Variants in MAP2 observed in about 807,000 individuals in gnomAD.
MAP2 encodes microtubule-associated protein 2.
A neutral mutation model predicts 137.6 loss-of-function variants in MAP2; 14 were observed. That is an observed-to-expected ratio of 0.10 (90% CI 0.07 to 0.16). The LOEUF is 0.16. Ranked by LOEUF, MAP2 falls within the 10% of genes least tolerant of loss-of-function variation. The probability of loss-of-function intolerance (pLI) is 1.00; values close to 1 mark genes in which losing one functional copy is unlikely to be tolerated. For synonymous variants in MAP2, 786 were observed against 782.3 expected, an observed-to-expected ratio of 1.00 and a Z score of -0.08; for missense variants, 2,088 against 2,191.5, an observed-to-expected ratio of 0.95 and a Z score of 0.94.
intron 2 of MAP2, among the ~76,000 whole-genome samples, chr2:209,571,307 G>A (rs1000753245): frequency 6.6e-6 from 1 of 151,908 alleles, no homozygotes; most frequent in African/African-American, 2.4e-5. Flanking sequence ...CCATGTCACT[G>A]CCACTCAGGT....
chr2:209,595,810 A>G (rs2081124925), intron 3 of MAP2, among the ~76,000 whole-genome samples: 1 of 152,234 alleles, frequency 6.6e-6, no homozygotes, highest in African/African-American at 2.4e-5. Flanking sequence ...TTGCAGGGAC[A>G]TGGATGCATC....
At chr2:209,618,328 C>T (rs2090144592) in intron 3 of MAP2, among the ~76,000 whole-genome samples, 1 of 152,094 alleles carries the variant, frequency 6.6e-6, no homozygotes, top group Non-Finnish European at 1.5e-5. Flanking sequence ...GGGTTTGTAA[C>T]AGTAGAAAGT....
chr2:209,426,305 T>C, intron 1 of MAP2, among the ~76,000 whole-genome samples: 1 of 152,242 alleles, frequency 6.6e-6, no homozygotes, highest in Non-Finnish European at 1.5e-5. Context: ...AAAATAGAGC[T>C]ACCTTTTATA....
chr2:209,609,158 A>G (rs1365443524), intron 3 of MAP2, among the ~76,000 whole-genome samples: 4 of 152,008 alleles, frequency 2.6e-5, no homozygotes, highest in African/African-American at 9.7e-5. Context: ...TGCCTAATAT[A>G]TAGTAACAAA....
chr2:209,640,702 G>A (rs536095120), intron 4 of MAP2, among the ~76,000 whole-genome samples: 3 of 152,218 alleles, frequency 2.0e-5, no homozygotes, highest in African/African-American at 7.2e-5. Flanking sequence ...TAAAGGGACT[G>A]AGCAGATCCC....
chr2:209,634,796 G>A (rs1248961658), intron 4 of MAP2, among the ~76,000 whole-genome samples: 2 of 152,208 alleles, frequency 1.3e-5, no homozygotes, highest in South Asian at 2.1e-4. Context: ...TAAGAGTGTG[G>A]ATTGTAACTT....
In MAP2 at chr2:209,428,990, T is replaced by G. The variant is rs977228812; in HGVS notation, c.-222+4714T>G. 1.5e-4 allele frequency among the ~76,000 whole-genome samples: 23 copies of G among 151,724 alleles called. 1 individual carries two copies. The highest frequency in any genetic ancestry group is 8.5e-4 in the Admixed American group (13 of 15,214). On this transcript the variant is annotated intron_variant, in intron 1 of 15. Transcript: ENST00000682079. Reference sequence around the variant, plus strand: ...TTATTTTGAGACGGAGTCTCGCTCTTTCGCCCAGGCCGGAGTACAGTGGCG... The same window carrying G: ...TTATTTTGAGACGGAGTCTCGCTCTGTCGCCCAGGCCGGAGTACAGTGGCG...
chr2:209,559,801 G>C (rs1283075024), intron 2 of MAP2, among the ~76,000 whole-genome samples: 1 of 151,896 alleles, frequency 6.6e-6, no homozygotes, highest in Non-Finnish European at 1.5e-5. Flanking sequence ...TATTTTCCCT[G>C]TGCCAGTCCT....
chr2:209,647,648 C>T (rs1394639302), intron 4 of MAP2, among the ~76,000 whole-genome samples: 1 of 152,110 alleles, frequency 6.6e-6, no homozygotes, highest in Non-Finnish European at 1.5e-5. Flanking sequence ...GTCAGATCAA[C>T]AAACACTAAA....
chr2:209,455,595 A>C (rs1701343938), intron 1 of MAP2, among the ~76,000 whole-genome samples: 1 of 152,188 alleles, frequency 6.6e-6, no homozygotes, highest in Non-Finnish European at 1.5e-5. Context: ...AAAAATTATT[A>C]GCATGAATTA....
intron 5 of MAP2, among the ~76,000 whole-genome samples, chr2:209,674,721 C>A (rs2050501556): frequency 6.6e-6 from 1 of 151,778 alleles, no homozygotes; most frequent in African/African-American, 2.4e-5. Flanking sequence ...TCACACACAT[C>A]ATAATCATTA....
At chr2:209,654,956 T>G (rs935322449) in intron 5 of MAP2, among the ~76,000 whole-genome samples, 4 of 152,184 alleles carry the variant, frequency 2.6e-5, no homozygotes, top group African/African-American at 9.7e-5. Context: ...CAGTTGACTC[T>G]CAGTGCCTGT....
intron 10 of MAP2, among the ~76,000 whole-genome samples, chr2:209,698,697 T>G (rs929756195): frequency 3.3e-5 from 5 of 152,192 alleles, no homozygotes; most frequent in African/African-American, 1.2e-4. Context: ...GAAGAATATA[T>G]CTGAAGCTAG....
At chr2:209,649,113 A>G (rs966880367) in intron 4 of MAP2, among the ~76,000 whole-genome samples, 1 of 152,046 alleles carries the variant, frequency 6.6e-6, no homozygotes, top group African/African-American at 2.4e-5. Flanking sequence ...GGCTCACTGT[A>G]GCCTCAATGT....
intron 1 of MAP2, among the ~76,000 whole-genome samples, chr2:209,431,303 A>G (rs10153809): frequency 0.57 from 86,452 of 152,018 alleles, 26,567 homozygotes; most frequent in African/African-American, 0.81. Flanking sequence ...TAATGGAATA[A>G]CTTTTTGTAG....
Position 209,434,860 on chromosome 2 carries a change from A to ATATATG in MAP2, c.-222+10585_-222+10586insATATGT, listed in dbSNP as rs1559157080. Among the ~76,000 whole-genome samples, 8 of 109,574 alleles carry ATATATG rather than the reference A, an allele frequency of 7.3e-5. 1 individual carries two copies. Among genetic ancestry groups the ATATATG allele is most frequent in the African/African-American group, 2.7e-4 (8 of 29,738 alleles). The allele number at this position is 109,574 out of a possible 152,430, so 71.9% of individuals were successfully genotyped here. On this transcript the variant is annotated intron_variant, in intron 1 of 15. Coordinates refer to ENST00000682079, the MANE Select transcript of MAP2 (RefSeq NM_001375505.1). The stretch of plus-strand genomic sequence containing the variant: ...ATATATATATATATGTTATATATAT[A>ATATATG]TGTTATATATATGTTATATATATGT...
At chr2:209,537,337 A>G (rs940010754) in intron 2 of MAP2, among the ~76,000 whole-genome samples, 3 of 152,218 alleles carry the variant, frequency 2.0e-5, no homozygotes, top group African/African-American at 4.8e-5. Flanking sequence ...TAAATTTTCC[A>G]TATAAGTTGA....
rs1331834246 is a variant in MAP2 at position 209,694,880 on chromosome 2, G to T, written c.2710G>T (p.Val904Phe). 1 of 1,614,202 alleles carries T rather than the reference G, an allele frequency of 6.2e-7. No homozygotes were observed. The highest frequency in any genetic ancestry group is 1.3e-5 in the African/African-American group (1 of 75,070). Residue 904 changes from valine (V) to phenylalanine (F), a missense_variant, in exon 8 of 16, where the codon GTT becomes TTT. Physicochemically the swap from Val to Phe is conservative, Grantham distance 50 (BLOSUM62 -1). This residue lies in a region of MAP2 where 500 missense variants were observed against 482.9 expected (regional missense o/e 1.04). Transcript: ENST00000682079. ...GTFYEGTDDKVRRDLATDLSL... is the reference protein window; with the variant it reads ...GTFYEGTDDKFRRDLATDLSL... ...CTTTTACGAAGGCACTGATGATAAAGTTCGAAGAGATTTGGCCACAGACCT... is the reference window on the plus strand; with the variant it reads ...CTTTTACGAAGGCACTGATGATAAATTTCGAAGAGATTTGGCCACAGACCT...
intron 2 of MAP2, among the ~76,000 whole-genome samples, chr2:209,579,081 A>G (rs1458045769): frequency 6.6e-6 from 1 of 152,216 alleles, no homozygotes; most frequent in Non-Finnish European, 1.5e-5. Context: ...AATAAGCAAT[A>G]TGCGATAGTT....
Sources: gnomAD v4.1 joint callset for allele counts (sites outside exome capture counted in the v4.1 genomes callset) on GRCh38, gnomAD v4.1.1 for gene constraint, gnomAD v4.1.1 regional missense constraint, MANE v1.5 for transcripts, NCBI Gene and HGNC (gene_info 2026-07-23, HGNC 2026-07-21) for gene names.